The following RYR2 variants were observed in gnomAD, a reference collection of about 807,000 sequenced individuals.
RYR2 encodes cardiac muscle ryanodine receptor-calcium release channel.
RYR2 carries 227 observed loss-of-function variants against 601.1 expected under a neutral mutation model. That is an observed-to-expected ratio of 0.38 (90% CI 0.34 to 0.42). The LOEUF (loss-of-function observed/expected upper bound fraction) is 0.42, where lower values mean the gene tolerates loss of function less well. Among genes scored for constraint, RYR2 ranks in the 10% least tolerant of loss-of-function variants. RYR2 has a pLI of 1.00. For missense variants in RYR2, 4,646 were observed against 6,156.5 expected, an observed-to-expected ratio of 0.75 and a Z score of 8.21; for synonymous variants, 2,223 against 2,175.1, an observed-to-expected ratio of 1.02 and a Z score of -0.61.
intron 47 of RYR2, among the ~76,000 whole-genome samples, chr1:237,641,546 T>TTTCTC (rs1681543437): frequency 6.8e-6 from 1 of 147,296 alleles, no homozygotes; most frequent in Non-Finnish European, 1.5e-5. Context: ...TTTTCTCTCT[T>TTTCTC]TTTTTTTTTA....
chr1:237,303,065 T>C (rs553092267), intron 2 of RYR2, among the ~76,000 whole-genome samples: 1 of 152,274 alleles, frequency 6.6e-6, no homozygotes, highest in South Asian at 2.1e-4. Context: ...CTTTGATTAG[T>C]GGTGAGGCTG....
chr1:237,312,286 A>G (rs1478530304), intron 2 of RYR2, among the ~76,000 whole-genome samples: 2 of 152,230 alleles, frequency 1.3e-5, no homozygotes, highest in East Asian at 3.9e-4. Context: ...GGAATTCATT[A>G]TTTCATAGGC....
chr1:237,357,580 C>T (rs1223053705), intron 4 of RYR2, among the ~76,000 whole-genome samples: 2 of 152,036 alleles, frequency 1.3e-5, no homozygotes, highest in Non-Finnish European at 2.9e-5. Context: ...TTTTGATCTG[C>T]CTGTGTAATT....
Position 237,133,129 on chromosome 1 carries a change from A to G in RYR2, c.48+90560A>G, listed in dbSNP as rs776199562. On this transcript the variant is annotated intron_variant, in intron 1 of 104. Coordinates refer to ENST00000366574, the MANE Select transcript of RYR2 (RefSeq NM_001035.3). ...GGCTGGTGGCAAGATTAGGAATTGT[A>G]GGGTTCAGGGGCCAGACAAGTCTGC... Among the ~76,000 whole-genome samples the G allele has an allele frequency of 3.9e-5, 6 of 152,226 alleles. 1 individual carries two copies. Among genetic ancestry groups the G allele is most frequent in the South Asian group, 4.2e-4 (2 of 4,814 alleles).
In RYR2 at chr1:237,614,828, G is replaced by A. The variant is rs769862888; in HGVS notation, c.5700G>A (p.Glu1900=). 8.3e-6 allele frequency: 13 copies of A among 1,572,340 alleles called. No individual in the cohort carries two copies. Among genetic ancestry groups the A allele is most frequent in the Admixed American group, 1.9e-5 (1 of 53,372 alleles). Residue 1900 remains glutamate, a synonymous_variant, in exon 37 of 105, where the codon GAG becomes GAA. Coordinates refer to ENST00000366574, the MANE Select transcript of RYR2 (RefSeq NM_001035.3). This position sits in a 1 kb window ranked among gnomAD's most constrained non-coding sequence, Gnocchi z 4.3. ...KEGLLQMKLP[E]PVKLQMCLLL... is the part of the protein sequence containing the mutation. The stretch of plus-strand genomic sequence containing the variant: ...GCCTGCTCCAAATGAAACTGCCAGA[G>A]CCAGTTAAATTGCAGGTAATCAGAA...
chr1:237,219,619 A>C (rs1683579118), intron 1 of RYR2, among the ~76,000 whole-genome samples: 1 of 152,114 alleles, frequency 6.6e-6, no homozygotes, highest in Non-Finnish European at 1.5e-5. Flanking sequence ...GTTGGGGAGG[A>C]ATGAGTACTG....
chr1:237,610,794 G>A lies in RYR2; in HGVS notation c.4716G>A (p.Lys1572=). ...NVMPLSAGLF[K]SEHKNPVPQC... ...TGCCTCTCTCGGCGGGATTATTCAA[G>A]AGTGAGCACAAGAACCCCGTGCCGC... The change falls in exon 36 of 105, where the codon AAG becomes AAA. Residue 1572 remains lysine, a synonymous_variant. Transcript: ENST00000366574. The surrounding 1 kb of genome is among the most constrained non-coding windows in gnomAD (Gnocchi z 4.9). 1 of 1,609,058 alleles carries A rather than the reference G, an allele frequency of 6.2e-7. No individual in the cohort carries two copies. Among genetic ancestry groups the A allele is most frequent in the Non-Finnish European group, 8.5e-7 (1 of 1,178,074 alleles).
At chr1:237,147,733 G>C (rs1674177675) in intron 1 of RYR2, among the ~76,000 whole-genome samples, 1 of 152,206 alleles carries the variant, frequency 6.6e-6, no homozygotes, top group Non-Finnish European at 1.5e-5. Context: ...TTATCCTTGT[G>C]CCTTGAATGT....
At chr1:237,827,362 C>T (rs1332391683) in intron 101 of RYR2, among the ~76,000 whole-genome samples, 1 of 152,124 alleles carries the variant, frequency 6.6e-6, no homozygotes, top group Non-Finnish European at 1.5e-5. Context: ...GGGCCTGGCA[C>T]CATGGCTCAT....
intron 10 of RYR2, among the ~76,000 whole-genome samples, chr1:237,408,674 C>T (rs1704148176): frequency 6.6e-6 from 1 of 151,998 alleles, no homozygotes; most frequent in Non-Finnish European, 1.5e-5. Context: ...TCTTTCACTT[C>T]TCATATAAAC....
At chr1:237,127,585 G>A (rs1315632676) in intron 1 of RYR2, among the ~76,000 whole-genome samples, 24 of 150,538 alleles carry the variant, frequency 1.6e-4, no homozygotes, top group Non-Finnish European at 2.5e-4. Context: ...CCTCCCTCCC[G>A]GACGGGGTGG....
chr1:237,089,042 G>T (rs1031827998), intron 1 of RYR2, among the ~76,000 whole-genome samples: 1 of 152,110 alleles, frequency 6.6e-6, no homozygotes, highest in Non-Finnish European at 1.5e-5. Context: ...ATTAAAAATA[G>T]CTCCAAATTC....
At chr1:237,496,785 C>T (rs1161935162) in intron 20 of RYR2, 33 bp downstream of exon 20, 1 of 1,583,938 alleles carries the variant, frequency 6.3e-7, no homozygotes, top group South Asian at 1.1e-5. Flanking sequence ...CACCGTGTTC[C>T]AGAAGATCTT....
At chr1:237,800,172 A>G (rs1659794110) in intron 97 of RYR2, 1 of 152,220 alleles carries the variant, frequency 6.6e-6, no homozygotes, top group South Asian at 2.1e-4. Context: ...TTAAAATAAA[A>G]TAAATAAGAA....
In RYR2 at chr1:237,060,159, C is replaced by G. The variant is rs140234477; in HGVS notation, c.48+17590C>G. ...GAAGATTAAATGCTGGCTGAAAGCT[C>G]TCATATTTGTATCCACAGAAATACA... On this transcript the variant is annotated intron_variant, in intron 1 of 104. Transcript: ENST00000366574. Among the ~76,000 whole-genome samples the G allele has an allele frequency of 7.2e-5, 11 of 152,266 alleles. No homozygotes were observed. The East Asian group carries it at 1.9e-3, about 27-fold the overall frequency.
chr1:237,795,009 A>C (rs1658936668), intron 95 of RYR2, among the ~76,000 whole-genome samples: 1 of 152,258 alleles, frequency 6.6e-6, no homozygotes, highest in Non-Finnish European at 1.5e-5. Flanking sequence ...TGTTATAAAC[A>C]AATAAATATA....
chr1:237,714,651 T>G (rs1025528839), intron 71 of RYR2, among the ~76,000 whole-genome samples: 1 of 151,864 alleles, frequency 6.6e-6, no homozygotes, highest in African/African-American at 2.4e-5. Flanking sequence ...GAGACAGAGA[T>G]AGAGAGGAGG....
chr1:237,799,615 A>C (rs1470812271), intron 97 of RYR2, among the ~76,000 whole-genome samples: 1 of 152,208 alleles, frequency 6.6e-6, no homozygotes, highest in Non-Finnish European at 1.5e-5. Flanking sequence ...TCTGGTAAAT[A>C]ATGTACAACT....
chr1:237,798,242 G>T, intron 97 of RYR2, 72 bp downstream of exon 97: 1 of 1,397,188 alleles, frequency 7.2e-7, no homozygotes, highest in South Asian at 1.4e-5. Flanking sequence ...TTTTAAACTT[G>T]TGCATTGATT....
Sources: gnomAD v4.1 joint callset for allele counts (sites outside exome capture counted in the v4.1 genomes callset) on GRCh38, gnomAD v4.1.1 for gene constraint, Gnocchi (gnomAD v3.1) non-coding constraint, MANE v1.5 for transcripts, NCBI Gene and HGNC (gene_info 2026-07-23, HGNC 2026-07-21) for gene names.